TMEM132C: variants seen among roughly 807,000 people sequenced by gnomAD.
The protein encoded by TMEM132C is protein phosphatase 1, regulatory subunit 152.
Under a neutral mutation model 61.4 loss-of-function variants are expected in TMEM132C, and 29 were observed. That is an observed-to-expected ratio of 0.47 (90% CI 0.35 to 0.64). The LOEUF (loss-of-function observed/expected upper bound fraction) is 0.64, where lower values mean the gene tolerates loss of function less well. TMEM132C is among the 30% of genes least tolerant of loss of function. The pLI is 0.00. For missense variants in TMEM132C, 1,408 were observed against 1,476.9 expected (o/e 0.95, Z 0.76); for synonymous variants, 656 against 633.1 (o/e 1.04, Z -0.54).
intron 3 of TMEM132C, among the ~76,000 whole-genome samples, chr12:128,586,975 G>C (rs908568370): frequency 6.6e-6 from 1 of 152,194 alleles, no homozygotes; most frequent in Non-Finnish European, 1.5e-5. Flanking sequence ...TTCAGTGACT[G>C]CTCTTCCGTT....
intron 1 of TMEM132C, among the ~76,000 whole-genome samples, chr12:128,268,407 C>T (rs1166871555): frequency 2.6e-5 from 4 of 152,192 alleles, no homozygotes; most frequent in Non-Finnish European, 5.9e-5. Flanking sequence ...CCAGGAGCCG[C>T]GGGGCAGGCG....
intron 3 of TMEM132C, among the ~76,000 whole-genome samples, chr12:128,586,523 T>G (rs1207329674): frequency 6.6e-5 from 10 of 152,172 alleles, no homozygotes; most frequent in Non-Finnish European, 1.3e-4. Flanking sequence ...GATTTGGGCT[T>G]GTATTTTTCC....
intron 1 of TMEM132C, among the ~76,000 whole-genome samples, chr12:128,359,412 G>A (rs1243997736): frequency 6.6e-6 from 1 of 152,146 alleles, no homozygotes; most frequent in Non-Finnish European, 1.5e-5. Context: ...GGGGGAAACT[G>A]CCTCCATGAT....
intron 2 of TMEM132C, among the ~76,000 whole-genome samples, chr12:128,533,319 C>T (rs998733296): frequency 6.6e-6 from 1 of 152,188 alleles, no homozygotes; most frequent in African/African-American, 2.4e-5. Context: ...ACAGCAGCTC[C>T]TCCTCCTGAG....
intron 4 of TMEM132C, among the ~76,000 whole-genome samples, chr12:128,656,046 TTTTG>T (rs962610364): frequency 7.9e-5 from 12 of 152,040 alleles, no homozygotes; most frequent in Non-Finnish European, 1.3e-4. Flanking sequence ...GTAAATGGCT[TTTTG>T]TTTGTTTGTT....
At chr12:128,576,213 C>A (rs1257063894) in intron 3 of TMEM132C, among the ~76,000 whole-genome samples, 1 of 151,360 alleles carries the variant, frequency 6.6e-6, no homozygotes, top group African/African-American at 2.4e-5. Flanking sequence ...GAGATCACGC[C>A]ACTGCACTCC....
chr12:128,635,648 C>A (rs1954097874), intron 4 of TMEM132C, among the ~76,000 whole-genome samples: 2 of 152,102 alleles, frequency 1.3e-5, no homozygotes, highest in Non-Finnish European at 2.9e-5. Flanking sequence ...TGAAACAGAT[C>A]TCCATTGTCT....
At chr12:128,454,621 G>T (rs1375102266) in intron 2 of TMEM132C, among the ~76,000 whole-genome samples, 2 of 152,206 alleles carry the variant, frequency 1.3e-5, no homozygotes, top group Admixed American at 1.3e-4. Context: ...AGTTTCCTGA[G>T]AGACCCCCTG....
At chr12:128,471,019 T>C (rs1180649128) in intron 2 of TMEM132C, among the ~76,000 whole-genome samples, 1 of 152,226 alleles carries the variant, frequency 6.6e-6, no homozygotes, top group Non-Finnish European at 1.5e-5. Flanking sequence ...TTCTCAACCT[T>C]GGCACTACTG....
chr12:128,541,629 C>T (rs948773154), intron 2 of TMEM132C, among the ~76,000 whole-genome samples: 1 of 152,156 alleles, frequency 6.6e-6, no homozygotes, highest in African/African-American at 2.4e-5. Flanking sequence ...CTTTATATCA[C>T]GTAGAGACTT....
intron 1 of TMEM132C, among the ~76,000 whole-genome samples, chr12:128,396,354 G>A (rs931529107): frequency 6.7e-6 from 1 of 148,550 alleles, no homozygotes; most frequent in African/African-American, 2.6e-5. Context: ...ATGGTCACAG[G>A]GAGGGGAACA....
At chr12:128,515,021 A>T (rs1872675115) in intron 2 of TMEM132C, among the ~76,000 whole-genome samples, 1 of 152,276 alleles carries the variant, frequency 6.6e-6, no homozygotes, top group South Asian at 2.1e-4. Context: ...CTGGACACGG[A>T]TAAAGCAAAG....
rs546260121 is a variant in TMEM132C, at chr12:128,653,037, A to G, written c.1306-16380A>G. On this transcript the variant is annotated intron_variant, in intron 4 of 8. Transcript: ENST00000435159. ...GTGGGAACAACCCAAATGTCCATCA[A>G]TTGAGAAAGAAATATACAAAATGTA... Among the ~76,000 whole-genome samples the G allele has an allele frequency of 2.0e-5, 3 of 152,354 alleles. No homozygotes were observed. In the East Asian group the frequency reaches 5.8e-4, roughly 29 times the overall value.
intron 2 of TMEM132C, among the ~76,000 whole-genome samples, chr12:128,531,289 A>G (rs1293547276): frequency 6.6e-6 from 1 of 151,944 alleles, no homozygotes; most frequent in Non-Finnish European, 1.5e-5. Context: ...AGGGAAGATC[A>G]AAGTAAATGG....
chr12:128,447,977 C>T (rs1381301229), intron 2 of TMEM132C, among the ~76,000 whole-genome samples: 4 of 151,632 alleles, frequency 2.6e-5, no homozygotes, highest in Non-Finnish European at 5.9e-5. Flanking sequence ...CCACCCGCCT[C>T]GGCCTCCCAA....
chr12:128,678,816 T>G (rs10773564), intron 5 of TMEM132C, among the ~76,000 whole-genome samples: 95,237 of 152,002 alleles, frequency 0.63, 30,767 homozygotes, highest in African/African-American at 0.8. Context: ...TCAATCATGC[T>G]GAGGTTGAGA....
rs900375984 is a variant in TMEM132C at position 128,695,992 on chromosome 12, C to T, written c.1818C>T (p.Phe606=). ...ACCTGCTTAGTCCTAACTGGCAGTT[C>T]GACATCACTCACCTGGTGGCAGACT... The part of the protein sequence containing the change: ...PNYLLSPNWQ[F]DITHLVADFM... Residue 606 remains phenylalanine, a synonymous_variant, in exon 7 of 9, where the codon TTC becomes TTT. Transcript: ENST00000435159. 6.1e-5 allele frequency: 94 copies of T among 1,551,802 alleles called. No individual in the cohort carries two copies. The highest frequency in any genetic ancestry group is 7.6e-5 in the Non-Finnish European group (87 of 1,147,014).
At chr12:128,329,546 G>A (rs1872617169) in intron 1 of TMEM132C, among the ~76,000 whole-genome samples, 1 of 152,152 alleles carries the variant, frequency 6.6e-6, no homozygotes, top group African/African-American at 2.4e-5. Context: ...CTACTGGGGG[G>A]CAGAGTCCCA....
At chr12:128,360,993 A>G (rs777284785) in intron 1 of TMEM132C, among the ~76,000 whole-genome samples, 1 of 152,218 alleles carries the variant, frequency 6.6e-6, no homozygotes, top group Non-Finnish European at 1.5e-5. Flanking sequence ...ATGAGCTCCT[A>G]CTATGTGCTT....
Sources: gnomAD v4.1 joint callset for allele counts (sites outside exome capture counted in the v4.1 genomes callset) on GRCh38, gnomAD v4.1.1 for gene constraint, MANE v1.5 for transcripts, NCBI Gene and HGNC (gene_info 2026-07-23, HGNC 2026-07-21) for gene names.